The following ADGRB3 variants were observed in gnomAD, a reference collection of about 807,000 sequenced individuals.
ADGRB3 encodes adhesion G protein-coupled receptor B3.
Under a neutral mutation model 193.4 loss-of-function variants are expected in ADGRB3, and 37 were observed. The ratio of observed to expected loss-of-function variants is 0.19; its 90% CI spans 0.15 to 0.25. The LOEUF is 0.25. Ranked by LOEUF, ADGRB3 falls within the 10% of genes least tolerant of loss-of-function variation. The pLI is 1.00. For synonymous variants in ADGRB3, 690 were observed against 644.2 expected (o/e 1.07, Z -1.08); for missense variants, 1,637 against 1,852.9 (o/e 0.88, Z 2.14).
intron 15 of ADGRB3, among the ~76,000 whole-genome samples, chr6:69,054,652 G>A (rs1044442060): frequency 3.3e-5 from 5 of 152,086 alleles, no homozygotes; most frequent in African/African-American, 9.7e-5. Flanking sequence ...TACTTAGTGC[G>A]TTATTTTTTA....
At chr6:69,104,894 C>G (rs973127922) in intron 17 of ADGRB3, among the ~76,000 whole-genome samples, 2 of 152,052 alleles carry the variant, frequency 1.3e-5, no homozygotes, top group African/African-American at 2.4e-5. Flanking sequence ...TCATTTTCAT[C>G]CAAAAGATAT....
At chr6:68,663,682 A>G (rs1768727898) in intron 3 of ADGRB3, among the ~76,000 whole-genome samples, 1 of 151,818 alleles carries the variant, frequency 6.6e-6, no homozygotes, top group African/African-American at 2.4e-5. Flanking sequence ...GAAGCTTTGA[A>G]TAGAAATAAT....
At chr6:69,213,733 C>T (rs530666430) in intron 17 of ADGRB3, among the ~76,000 whole-genome samples, 16 of 151,948 alleles carry the variant, frequency 1.1e-4, no homozygotes, top group South Asian at 1.0e-3. Context: ...GTTCAAATGC[C>T]ACCTTAAATC....
intron 17 of ADGRB3, among the ~76,000 whole-genome samples, chr6:69,178,767 A>T (rs992480469): frequency 2.6e-5 from 4 of 152,206 alleles, no homozygotes; most frequent in African/African-American, 9.6e-5. Context: ...AAGAATACTG[A>T]AAATAGTCCC....
At chr6:68,893,742 A>T (rs1766144718) in intron 3 of ADGRB3, among the ~76,000 whole-genome samples, 1 of 152,036 alleles carries the variant, frequency 6.6e-6, no homozygotes, top group Non-Finnish European at 1.5e-5. Flanking sequence ...ATAAGTTAAA[A>T]ATTACATTCC....
chr6:68,740,785 C>T (rs1765965448), intron 3 of ADGRB3, among the ~76,000 whole-genome samples: 1 of 152,102 alleles, frequency 6.6e-6, no homozygotes, highest in Non-Finnish European at 1.5e-5. Context: ...AGAAGGATGT[C>T]AGAAATACTT....
intron 3 of ADGRB3, among the ~76,000 whole-genome samples, chr6:68,906,040 T>C (rs1389116151): frequency 6.6e-6 from 1 of 152,050 alleles, no homozygotes; most frequent in Non-Finnish European, 1.5e-5. Context: ...AAAGATAACA[T>C]AAACTATAGC....
chr6:68,638,820 C>A lies in ADGRB3; in HGVS notation c.145C>A (p.Pro49Thr), dbSNP rs776554503. 1 of 1,614,060 alleles carries A rather than the reference C, an allele frequency of 6.2e-7. No homozygotes were observed. The highest frequency in any genetic ancestry group is 8.5e-7 in the Non-Finnish European group (1 of 1,180,022). The change falls in exon 3 of 32, where the codon CCT becomes ACT. Residue 49 changes from proline to threonine, a missense_variant. Transcript: ENST00000370598. ...YGSYSVSEMF[P>T]KNFTNCTWTL... ...ATCGTATTCTGTAAGTGAAATGTTT[C>A]CTAAAAACTTTACAAACTGCACTTG...
chr6:68,716,951 A>G (rs1217097547), intron 3 of ADGRB3, among the ~76,000 whole-genome samples: 3 of 151,590 alleles, frequency 2.0e-5, no homozygotes, highest in Non-Finnish European at 4.4e-5. Flanking sequence ...TAATATTCTC[A>G]TGTTCTTTAT....
rs2150275215 is a variant in ADGRB3 at position 68,993,862 on chromosome 6, A to G, written c.1829A>G (p.Asn610Ser). 1.9e-6 allele frequency: 3 copies of G among 1,613,976 alleles called. No homozygotes were observed. The highest frequency in any genetic ancestry group is 2.5e-6 in the Non-Finnish European group (3 of 1,179,898). The change falls in exon 11 of 32, where the codon AAT (asparagine) becomes AGT (serine). Residue 610 changes from asparagine to serine, a missense_variant. By Grantham distance (46) the Asn-to-Ser change is conservative. Coordinates refer to ENST00000370598, the MANE Select transcript of ADGRB3 (RefSeq NM_001704.3). ...CTGTTGGATTTAACTCAGAGAAAAA[A>G]TTTCTATGCAGGCGATCTTCTGATG... The part of the protein sequence containing the change: ...KTLLDLTQRK[N>S]FYAGDLLMSV...
At chr6:69,081,753 T>C (rs982020267) in intron 17 of ADGRB3, among the ~76,000 whole-genome samples, 5 of 152,096 alleles carry the variant, frequency 3.3e-5, no homozygotes, top group Admixed American at 2.6e-4. Context: ...ATGCTTAGTT[T>C]CTTAAAGGTG....
chr6:69,236,257 C>G (rs1044781528), intron 19 of ADGRB3, among the ~76,000 whole-genome samples: 1 of 151,744 alleles, frequency 6.6e-6, no homozygotes, highest in East Asian at 1.9e-4. Context: ...ATGCTTCATA[C>G]AAAAGTAAAA....
intron 3 of ADGRB3, among the ~76,000 whole-genome samples, chr6:68,679,663 T>C (rs528021492): frequency 6.6e-6 from 1 of 152,268 alleles, no homozygotes; most frequent in African/African-American, 2.4e-5. Flanking sequence ...TCAGTCTATA[T>C]TGAGGTTTAG....
In ADGRB3 at chr6:68,688,083, A is replaced by G. The variant is rs116001527; in HGVS notation, c.757+48651A>G. On this transcript the variant is annotated intron_variant, in intron 3 of 31. Coordinates refer to ENST00000370598, the MANE Select transcript of ADGRB3 (RefSeq NM_001704.3). Reference sequence around the variant, plus strand: ...GTAACCTGTCCAAAAAAATTAAGTCATGGAAGCTGGAGCTCTTTACATCCA... The same window carrying G: ...GTAACCTGTCCAAAAAAATTAAGTCGTGGAAGCTGGAGCTCTTTACATCCA... Among the ~76,000 whole-genome samples the G allele has an allele frequency of 6.8e-3, 1,030 of 152,280 alleles. 16 individuals carry two copies. The highest frequency in any genetic ancestry group is 0.024 in the African/African-American group (989 of 41,548).
chr6:68,837,023 C>T (rs513369), intron 3 of ADGRB3, among the ~76,000 whole-genome samples: 2 of 152,002 alleles, frequency 1.3e-5, no homozygotes, highest in African/African-American at 4.8e-5. Flanking sequence ...TTTTCTTTCT[C>T]CAATTCTCCA....
chr6:69,229,073 T>A (rs1490440945), intron 17 of ADGRB3, among the ~76,000 whole-genome samples: 1 of 152,184 alleles, frequency 6.6e-6, no homozygotes, highest in Non-Finnish European at 1.5e-5. Context: ...ATGGGCTAGA[T>A]GATCACTAAA....
chr6:69,341,569 T>C (rs1399613071), intron 26 of ADGRB3, among the ~76,000 whole-genome samples: 3 of 152,178 alleles, frequency 2.0e-5, no homozygotes, highest in Non-Finnish European at 4.4e-5. Context: ...TTGCCAAGCC[T>C]TACTATTCCC....
chr6:69,335,203 G>A (rs1768820754), intron 24 of ADGRB3, among the ~76,000 whole-genome samples: 1 of 152,074 alleles, frequency 6.6e-6, no homozygotes, highest in Admixed American at 6.5e-5. Flanking sequence ...TATTTTATGT[G>A]TAAAGCCCAG....
At chr6:68,681,310 A>G (rs1024756639) in intron 3 of ADGRB3, among the ~76,000 whole-genome samples, 5 of 152,096 alleles carry the variant, frequency 3.3e-5, no homozygotes, top group Non-Finnish European at 5.9e-5. Flanking sequence ...AAACTATATC[A>G]TGCCACTTTA....
Sources: gnomAD v4.1 joint callset for allele counts (sites outside exome capture counted in the v4.1 genomes callset) on GRCh38, gnomAD v4.1.1 for gene constraint, MANE v1.5 for transcripts, NCBI Gene and HGNC (gene_info 2026-07-23, HGNC 2026-07-21) for gene names.